Variants in PEAK1 observed in about 807,000 individuals in gnomAD.
The protein encoded by PEAK1 is pseudopodium enriched atypical kinase 1.
In PEAK1, 54 loss-of-function variants were observed where a neutral mutation model predicts 124.7. The observed-to-expected ratio is 0.43, with a 90% CI of 0.35 to 0.54. The LOEUF is 0.54. PEAK1 is among the 20% of genes least tolerant of loss of function. The pLI, the probability that PEAK1 is intolerant of heterozygous loss-of-function variation, is 0.01. For missense variants in PEAK1, 2,046 were observed against 2,134.5 expected (o/e 0.96, Z 0.82); for synonymous variants, 719 against 760.0 (o/e 0.95, Z 0.89).
intron 1 of PEAK1, chr15:77,403,843 G>T (rs1029609428): frequency 9.1e-6 from 9 of 984,450 alleles, no homozygotes; most frequent in African/African-American, 1.7e-5. Context: ...TAACCTTTAT[G>T]CCCATGCCAC....
intron 6 of PEAK1, among the ~76,000 whole-genome samples, chr15:77,203,435 G>A (rs970602381): frequency 6.6e-6 from 1 of 152,116 alleles, no homozygotes; most frequent in African/African-American, 2.4e-5. Context: ...TTTTATTCTT[G>A]TGTTTTAAAA....
chr15:77,399,089 A>T lies in PEAK1; in HGVS notation c.-666+20917T>A, dbSNP rs1013280137. Reference sequence around the variant, plus strand: ...ATCCTTACAATGAAAACTATAAAACATTGATGAAATAAGTGGAAGAAGACA... The same window carrying T: ...ATCCTTACAATGAAAACTATAAAACTTTGATGAAATAAGTGGAAGAAGACA... On this transcript the variant is annotated intron_variant, in intron 1 of 9. Coordinates refer to ENST00000682557, the MANE Select transcript of PEAK1 (RefSeq NM_001385026.1). Among the ~76,000 whole-genome samples, 4 of 152,216 alleles carry T rather than the reference A, an allele frequency of 2.6e-5. No individual in the cohort carries two copies. In the South Asian group the frequency reaches 6.2e-4, roughly 24 times the overall value.
intron 9 of PEAK1, among the ~76,000 whole-genome samples, chr15:77,118,243 T>C (rs963782160): frequency 2.0e-4 from 31 of 152,156 alleles, no homozygotes; most frequent in African/African-American, 7.0e-4. Flanking sequence ...TTCATAACCC[T>C]GAAAACAGTT....
intron 2 of PEAK1, chr15:77,335,200 G>A: frequency 1.0e-6 from 1 of 985,418 alleles, no homozygotes; most frequent in Non-Finnish European, 1.2e-6. Flanking sequence ...CAACTTAAGA[G>A]TCCTCTCTCA....
chr15:77,385,297 T>C (rs1368830165), intron 1 of PEAK1, among the ~76,000 whole-genome samples: 1 of 152,144 alleles, frequency 6.6e-6, no homozygotes, highest in Non-Finnish European at 1.5e-5. Flanking sequence ...TGTTTAGAGG[T>C]GGTTAAAACA....
At chr15:77,367,994 G>A (rs1385060077) in intron 1 of PEAK1, among the ~76,000 whole-genome samples, 4 of 152,008 alleles carry the variant, frequency 2.6e-5, no homozygotes, top group African/African-American at 9.7e-5. Flanking sequence ...TAATCTTTAC[G>A]CTGGCAAATG....
At chr15:77,334,490 C>A (rs924402883) in intron 2 of PEAK1, 1 of 985,384 alleles carries the variant, frequency 1.0e-6, no homozygotes, top group Non-Finnish European at 1.2e-6. Context: ...ATTTATTCAG[C>A]ATCTCTTCCA....
chr15:77,129,619 T>C (rs1475970912), intron 9 of PEAK1, among the ~76,000 whole-genome samples: 1 of 126,838 alleles, frequency 7.9e-6, no homozygotes, highest in Admixed American at 7.9e-5. Flanking sequence ...TTTTTTTTTG[T>C]ATTTTTAGCA....
At chr15:77,285,752 T>C (rs1045900480) in intron 3 of PEAK1, among the ~76,000 whole-genome samples, 9 of 152,284 alleles carry the variant, frequency 5.9e-5, no homozygotes, top group Admixed American at 5.9e-4. Context: ...TCTTCTCTCT[T>C]TTCTTCATTA....
At chr15:77,141,530 C>T (rs529186709) in intron 8 of PEAK1, among the ~76,000 whole-genome samples, 1 of 152,252 alleles carries the variant, frequency 6.6e-6, no homozygotes, top group African/African-American at 2.4e-5. Flanking sequence ...AACTGGCAGG[C>T]TCATCCTAAA....
At chr15:77,288,044 AAATTT>A (rs530616771) in intron 2 of PEAK1, among the ~76,000 whole-genome samples, 1 of 152,150 alleles carries the variant, frequency 6.6e-6, no homozygotes, top group Non-Finnish European at 1.5e-5. Flanking sequence ...ATCCTACCTC[AAATTT>A]ATTTACATAC....
At chr15:77,185,918 A>C (rs558383014) in intron 6 of PEAK1, among the ~76,000 whole-genome samples, 1 of 152,340 alleles carries the variant, frequency 6.6e-6, no homozygotes, top group Non-Finnish European at 1.5e-5. Flanking sequence ...GAAGCCTAGA[A>C]GAGACAGTGA....
intron 6 of PEAK1, among the ~76,000 whole-genome samples, chr15:77,196,157 T>A (rs2058093100): frequency 6.6e-6 from 1 of 152,244 alleles, no homozygotes; most frequent in South Asian, 2.1e-4. Flanking sequence ...AATGAGGCTC[T>A]TGATCCAACT....
At chr15:77,178,716 TAAAA>T in intron 7 of PEAK1, 70 bp downstream of exon 7, 2 of 1,424,634 alleles carry the variant, frequency 1.4e-6, no homozygotes, top group Non-Finnish European at 1.9e-6. Flanking sequence ...TATGCAATCT[TAAAA>T]GATATAAAAA....
chr15:77,119,747 G>C (rs77723115), intron 9 of PEAK1, among the ~76,000 whole-genome samples: 3 of 152,170 alleles, frequency 2.0e-5, no homozygotes, highest in East Asian at 1.9e-4. Flanking sequence ...TTTCAGTTCA[G>C]GGGCTCATTT....
intron 5 of PEAK1, among the ~76,000 whole-genome samples, chr15:77,257,699 T>A (rs1401302077): frequency 6.6e-6 from 1 of 152,002 alleles, no homozygotes; most frequent in Non-Finnish European, 1.5e-5. Flanking sequence ...CTGATGGTAG[T>A]TTCTTTTGCT....
At chr15:77,196,862 A>G (rs939257724) in intron 6 of PEAK1, among the ~76,000 whole-genome samples, 2 of 152,054 alleles carry the variant, frequency 1.3e-5, no homozygotes, top group African/African-American at 4.8e-5. Context: ...TTAATTAACT[A>G]ATTTACAGAC....
chr15:77,214,541 G>A (rs564320136), intron 6 of PEAK1, among the ~76,000 whole-genome samples: 85 of 150,850 alleles, frequency 5.6e-4, no homozygotes, highest in African/African-American at 2.0e-3. Context: ...GGAGAATGGC[G>A]TGAACCCAGG....
chr15:77,362,510 A>C (rs1202290231), intron 2 of PEAK1, among the ~76,000 whole-genome samples: 8 of 152,208 alleles, frequency 5.3e-5, no homozygotes, highest in Non-Finnish European at 1.0e-4. Context: ...AGACAATGTT[A>C]AGTATTGGCA....
Sources: gnomAD v4.1 joint callset for allele counts (sites outside exome capture counted in the v4.1 genomes callset) on GRCh38, gnomAD v4.1.1 for gene constraint, MANE v1.5 for transcripts, NCBI Gene and HGNC (gene_info 2026-07-23, HGNC 2026-07-21) for gene names.